Variants in ITGA3 observed in about 807,000 individuals in gnomAD.
ITGA3 encodes the protein integrin subunit alpha 3, also known as integrin alpha-3.
ITGA3 carries 70 observed loss-of-function variants against 131.1 expected under a neutral mutation model. The observed-to-expected ratio is 0.53, with a 90% CI of 0.44 to 0.65. The LOEUF (loss-of-function observed/expected upper bound fraction) is 0.65. Ranked by LOEUF, ITGA3 falls within the 30% of genes least tolerant of loss-of-function variation. The pLI is 0.00. For missense variants in ITGA3, 1,098 were observed against 1,388.6 expected (o/e 0.79, Z 3.33); for synonymous variants, 537 against 571.6 (o/e 0.94, Z 0.86).
intron 5 of ITGA3, 97 bp from the exon 6 acceptor site, chr17:50,071,214 A>C: frequency 2.7e-6 from 3 of 1,113,142 alleles, no homozygotes; most frequent in Non-Finnish European, 3.9e-6. Flanking sequence ...ATAGAACATC[A>C]TGGTGGGGGG....
At chr17:50,085,836 A>G (rs1399023683) in intron 23 of ITGA3, among the ~76,000 whole-genome samples, 1 of 132,356 alleles carries the variant, frequency 7.6e-6, no homozygotes, top group Non-Finnish European at 1.6e-5. Context: ...ATTAGATTAT[A>G]CATTATAGAT....
At chr17:50,066,877 A>G (rs1908370706) in intron 3 of ITGA3, among the ~76,000 whole-genome samples, 3 of 152,202 alleles carry the variant, frequency 2.0e-5, no homozygotes, top group Non-Finnish European at 4.4e-5. Flanking sequence ...CCAAAGATAT[A>G]TCTTAAAATC....
intron 1 of ITGA3, among the ~76,000 whole-genome samples, chr17:50,060,147 A>G (rs1908009264): frequency 1.3e-5 from 2 of 152,148 alleles, no homozygotes; most frequent in South Asian, 4.1e-4. Flanking sequence ...GAGGTGGAGC[A>G]GGCACCCTCC....
rs1909384629 is a variant in ITGA3 at position 50,085,939 on chromosome 17, T to TTATAATATATATTAGATTATACAC, written c.2920-1805_2920-1804insTATAATATATATTAGATTATACAC. 1.1e-4 allele frequency among the ~76,000 whole-genome samples: 15 copies of TTATAATATATATTAGATTATACAC among 139,274 alleles called. 4 individuals are homozygous for TTATAATATATATTAGATTATACAC. The highest frequency in any genetic ancestry group is 3.7e-4 in the African/African-American group (14 of 37,766). 91.4% of individuals were successfully genotyped at this position (139,274 alleles called of 152,430 possible). A position where few individuals can be genotyped will look rare whatever the true frequency, so the allele number is the denominator to read the frequency against. ...ATAATATATATTAGATTATACATAT[T>TTATAATATATATTAGATTATACAC]ATAGATTTATAATATATATTAGATT... On this transcript the variant is annotated intron_variant, in intron 23 of 25. Transcript: ENST00000320031.
Position 50,068,042 on chromosome 17 carries a change from T to A in ITGA3, c.415-14T>A. The A allele has an allele frequency of 6.2e-7, 1 of 1,613,538 alleles. No homozygotes were observed. The highest frequency in any genetic ancestry group is 8.5e-7 in the Non-Finnish European group (1 of 1,179,836). The stretch of plus-strand genomic sequence containing the variant: ...GTGCCTGACTAAGGCTGCCTGTGTT[T>A]GGGGGGTCCCCAGGTCTGTGCCCAC... On this transcript the variant is annotated splice_polypyrimidine_tract_variant and intron_variant, in intron 3 of 25. Transcript: ENST00000320031.
intron 4 of ITGA3, 134 bp downstream of exon 4, chr17:50,068,439 C>A: frequency 1.1e-6 from 1 of 926,572 alleles, no homozygotes; most frequent in Non-Finnish European, 1.6e-6. Context: ...ACCACCATGA[C>A]TTCTACTGTT....
rs79054115 is a variant in ITGA3, at chr17:50,080,915, G to A, written c.2821-395G>A. On this transcript the variant is annotated intron_variant, in intron 22 of 25. Transcript: ENST00000320031. Reference sequence around the variant, plus strand: ...AGATTAGAAATCTTTTCAACTTGGCGGGCCATAGAGTTTCTGTTGCAACTA... The same window carrying A: ...AGATTAGAAATCTTTTCAACTTGGCAGGCCATAGAGTTTCTGTTGCAACTA... Among the ~76,000 whole-genome samples, 237 of 152,154 alleles carry A rather than the reference G, an allele frequency of 1.6e-3. 4 individuals are homozygous for A. In the East Asian group the frequency reaches 0.026, roughly 17 times the overall value.
chr17:50,056,639 G>T lies in ITGA3; in HGVS notation c.200G>T (p.Arg67Leu), dbSNP rs540556912. Residue 67 changes from arginine to leucine, a missense_variant, in exon 1 of 26, where the codon CGC (arginine) becomes CTC (leucine). Arg to Leu is a moderately radical substitution (Grantham distance 102). This residue lies in a region of ITGA3 where 356 missense variants were observed against 529.2 expected (regional missense o/e 0.67). Transcript: ENST00000320031. This position sits in a 1 kb window ranked among gnomAD's most constrained non-coding sequence, Gnocchi z 5.6. The part of the protein sequence containing the change: ...ALHRQTERQQ[R>L]YLLLAGAPRE... ...CATCGGCAGACAGAGCGGCAGCAGC[G>T]CTACCTGTAAGTGAAGCTGGAGGGT... The T allele has an allele frequency of 6.3e-7, 1 of 1,599,348 alleles. No homozygotes were observed. The highest frequency in any genetic ancestry group is 1.3e-5 in the African/African-American group (1 of 74,546).
At chr17:50,071,580 A>T (rs1436032442) in intron 6 of ITGA3, 62 bp downstream of exon 6, 17 of 1,437,366 alleles carry the variant, frequency 1.2e-5, no homozygotes, top group Middle Eastern at 2.4e-4. Context: ...AGGCTTACCT[A>T]AGCCAGGTGA....
rs760279569 is a variant in ITGA3 at position 50,079,093 on chromosome 17, G to A, written c.2418G>A (p.Glu806=). 2 of 1,613,746 alleles carry A rather than the reference G, an allele frequency of 1.2e-6. No homozygotes were observed. The highest frequency in any genetic ancestry group is 1.7e-6 in the Non-Finnish European group (2 of 1,179,882). ...KYEFQVGPMG[E]GLVGLGTLVL... Reference sequence around the variant, plus strand: ...GCCCACAGGTGGGCCCAATGGGGGAGGGGCTGGTGGGCCTGGGGACCCTGG... The same window carrying A: ...GCCCACAGGTGGGCCCAATGGGGGAAGGGCTGGTGGGCCTGGGGACCCTGG... Residue 806 remains glutamate (E), a synonymous_variant, in exon 20 of 26, where the codon GAG becomes GAA. Transcript: ENST00000320031.
chr17:50,084,904 G>A (rs1598197867), intron 23 of ITGA3, among the ~76,000 whole-genome samples: 1 of 152,220 alleles, frequency 6.6e-6, no homozygotes, highest in Admixed American at 6.5e-5. Flanking sequence ...AACACAGTGA[G>A]ACCCTGTCTT....
At chr17:50,059,633 G>A (rs1907985245) in intron 1 of ITGA3, among the ~76,000 whole-genome samples, 1 of 152,220 alleles carries the variant, frequency 6.6e-6, no homozygotes. Context: ...CCAGTGACCA[G>A]TCTAGGCCAA....
chr17:50,083,746 A>G (rs1451154764), intron 23 of ITGA3, among the ~76,000 whole-genome samples: 1 of 150,446 alleles, frequency 6.6e-6, no homozygotes, highest in East Asian at 1.9e-4. Flanking sequence ...AAAAGAAACT[A>G]AATGGGCAAA....
rs777832258 is a variant in ITGA3, at chr17:50,077,040, G to A, written c.1989G>A (p.Ser663=). ...LSINVTNTRT[S]ERSGEDAHEA... Reference sequence around the variant, plus strand: ...TCAACGTGACGAACACCCGGACCTCGGAGCGCTCCGGGGAGGACGCCCACG... The same window carrying A: ...TCAACGTGACGAACACCCGGACCTCAGAGCGCTCCGGGGAGGACGCCCACG... The change falls in exon 15 of 26, where the codon TCG becomes TCA. Residue 663 remains serine (S), a synonymous_variant. Transcript: ENST00000320031. The A allele has an allele frequency of 3.1e-6, 5 of 1,609,640 alleles. No individual in the cohort carries two copies. Among genetic ancestry groups the A allele is most frequent in the South Asian group, 1.1e-5 (1 of 90,564 alleles).
intron 23 of ITGA3, among the ~76,000 whole-genome samples, chr17:50,083,923 T>A (rs551089874): frequency 4.9e-4 from 74 of 151,680 alleles, no homozygotes; most frequent in Non-Finnish European, 7.7e-4. Context: ...TTCTTGCCTA[T>A]CAGATTGGGA....
chr17:50,077,018 A>G lies in ITGA3; in HGVS notation c.1967A>G (p.Asn656Ser), dbSNP rs762635097. ...GTCCGGAAATTGCTCCTGAGCATCA[A>G]CGTGACGAACACCCGGACCTCGGAG... is the stretch of plus-strand genomic sequence containing the variant. ...RDVRKLLLSINVTNTRTSERS... is the reference protein window; with the variant it reads ...RDVRKLLLSISVTNTRTSERS... Residue 656 changes from asparagine (N) to serine (S), a missense_variant, in exon 15 of 26, where the codon AAC (asparagine) becomes AGC (serine). By Grantham distance (46) the Asn-to-Ser change is conservative. Coordinates refer to ENST00000320031, the MANE Select transcript of ITGA3 (RefSeq NM_002204.4). 5.0e-6 allele frequency: 8 copies of G among 1,611,620 alleles called. No individual in the cohort carries two copies. Among genetic ancestry groups the G allele is most frequent in the South Asian group, 1.1e-5 (1 of 90,898 alleles).
intron 1 of ITGA3, among the ~76,000 whole-genome samples, chr17:50,062,777 G>T (rs550125098): frequency 1.3e-5 from 2 of 152,376 alleles, no homozygotes; most frequent in South Asian, 4.1e-4. Flanking sequence ...TTCCAGACTG[G>T]CAGGAGGCCC....
chr17:50,071,703 G>A (rs1017931118), intron 6 of ITGA3, 185 bp downstream of exon 6: 36 of 641,778 alleles, frequency 5.6e-5, no homozygotes, highest in Middle Eastern at 8.5e-4. Flanking sequence ...GGACCCCTGC[G>A]TTTGCTTGTT....
chr17:50,080,503 T>A, intron 22 of ITGA3, 128 bp downstream of exon 22: 1 of 570,244 alleles, frequency 1.8e-6, no homozygotes, highest in South Asian at 2.2e-5. Context: ...TGTGTGTGTG[T>A]GTGATTTGCG....
Sources: gnomAD v4.1 joint callset for allele counts (sites outside exome capture counted in the v4.1 genomes callset) on GRCh38, gnomAD v4.1.1 for gene constraint, gnomAD v4.1.1 regional missense constraint, Gnocchi (gnomAD v3.1) non-coding constraint, MANE v1.5 for transcripts, NCBI Gene and HGNC (gene_info 2026-07-23, HGNC 2026-07-21) for gene names.